The following NKAIN3 variants were observed in gnomAD, a reference collection of about 807,000 sequenced individuals.
NKAIN3 encodes the protein sodium/potassium transporting ATPase interacting 3.
In NKAIN3, 25 loss-of-function variants were observed where a neutral mutation model predicts 30.2. The ratio of observed to expected loss-of-function variants is 0.83; its 90% CI spans 0.60 to 1.16. NKAIN3 has a LOEUF of 1.16. Ranked by LOEUF, NKAIN3 falls within the 50% of genes most tolerant of loss-of-function variation. The probability of loss-of-function intolerance (pLI) is 0.00; values close to 1 mark genes in which losing one functional copy is unlikely to be tolerated. For synonymous variants in NKAIN3, 91 were observed against 89.6 expected, an observed-to-expected ratio of 1.02 and a Z score of -0.09; for missense variants, 225 against 254.1, an observed-to-expected ratio of 0.89 and a Z score of 0.78.
chr8:62,443,776 T>G (rs766162255), intron 1 of NKAIN3, among the ~76,000 whole-genome samples: 4 of 152,098 alleles, frequency 2.6e-5, no homozygotes, highest in Admixed American at 1.3e-4. Context: ...TTCTTTTTGA[T>G]TTTTTCTGCA....
intron 1 of NKAIN3, among the ~76,000 whole-genome samples, chr8:62,572,870 C>T (rs1244878673): frequency 1.3e-5 from 2 of 152,148 alleles, no homozygotes; most frequent in East Asian, 3.9e-4. Flanking sequence ...GGTATGGACA[C>T]AAAGTCAAAC....
At position 62,248,972 on chromosome 8, in the gene NKAIN3, G is replaced by C; in HGVS notation, c.-102G>C. ...CGAGCGGCGGCCGCGGGGCCGAGGA[G>C]CCTGGGCCGGGCCGGGCGGGGACTA... On this transcript the variant is annotated 5_prime_UTR_variant, in exon 1 of 7. Coordinates refer to ENST00000623646, the MANE Select transcript of NKAIN3 (RefSeq NM_001304533.3). 1 of 1,131,390 alleles carries C rather than the reference G, an allele frequency of 8.8e-7. No individual in the cohort carries two copies. Among genetic ancestry groups the C allele is most frequent in the Non-Finnish European group, 1.2e-6 (1 of 800,360 alleles). 70.1% of individuals were successfully genotyped at this position (1,131,390 alleles called of 1,614,324 possible).
At chr8:62,784,798 C>T (rs185661278) in intron 4 of NKAIN3, among the ~76,000 whole-genome samples, 16 of 152,118 alleles carry the variant, frequency 1.1e-4, no homozygotes, top group Admixed American at 7.9e-4. Context: ...CACAAAAAGA[C>T]GTCACAAAAA....
intron 4 of NKAIN3, among the ~76,000 whole-genome samples, chr8:62,841,202 C>A (rs1222017415): frequency 6.6e-6 from 1 of 152,032 alleles, no homozygotes; most frequent in African/African-American, 2.4e-5. Flanking sequence ...TTATAATAAT[C>A]ATAATTGTAT....
At position 62,345,364 on chromosome 8, in the gene NKAIN3, T is replaced by TACACAC. The variant is rs1554669208; in HGVS notation, c.54+96238_54+96239insCACACA. On this transcript the variant is annotated intron_variant, in intron 1 of 6. Transcript: ENST00000623646. ...ATATACACACATATACACATATATG[T>TACACAC]ATATATACACATATATGTATATATA... Among the ~76,000 whole-genome samples the TACACAC allele has an allele frequency of 6.2e-3, 53 of 8,604 alleles. 1 individual carries two copies. The highest frequency in any genetic ancestry group is 9.4e-3 in the Admixed American group (6 of 640). The allele number at this position is 8,604 out of a possible 152,430, so 5.6% of individuals were successfully genotyped here.
chr8:62,579,196 A>G (rs1418154508), intron 1 of NKAIN3, among the ~76,000 whole-genome samples: 3 of 152,028 alleles, frequency 2.0e-5, no homozygotes, highest in Admixed American at 2.0e-4. Context: ...CTCATAATTA[A>G]ACATAATTTT....
At chr8:62,335,387 C>T (rs533506398) in intron 1 of NKAIN3, among the ~76,000 whole-genome samples, 1 of 146,898 alleles carries the variant, frequency 6.8e-6, no homozygotes, top group South Asian at 2.2e-4. Context: ...GATCATTGTG[C>T]CACTGCACTC....
At chr8:62,518,489 C>T (rs1232425261) in intron 1 of NKAIN3, among the ~76,000 whole-genome samples, 1 of 152,084 alleles carries the variant, frequency 6.6e-6, no homozygotes. Flanking sequence ...AGTGCCTCCT[C>T]CTTGGGGTGT....
intron 1 of NKAIN3, among the ~76,000 whole-genome samples, chr8:62,386,121 G>GGGCCAAA (rs1267733462): frequency 2.0e-5 from 3 of 152,088 alleles, no homozygotes; most frequent in Non-Finnish European, 4.4e-5. Context: ...CATCTAATTT[G>GGGCCAAA]TTGCTATATA....
intron 4 of NKAIN3, chr8:62,857,221 G>A (rs1820089382): frequency 4.4e-6 from 1 of 227,050 alleles, no homozygotes. Flanking sequence ...TTATTCTCAT[G>A]GGCTTCCCTT....
chr8:62,577,729 C>CT (rs371923795), intron 1 of NKAIN3, among the ~76,000 whole-genome samples: 433 of 151,660 alleles, frequency 2.9e-3, no homozygotes, highest in African/African-American at 9.0e-3. Flanking sequence ...TGTGTTGCTT[C>CT]TTATCTTGCT....
intron 2 of NKAIN3, among the ~76,000 whole-genome samples, chr8:62,583,187 T>G (rs570805101): frequency 6.6e-6 from 1 of 152,258 alleles, no homozygotes; most frequent in African/African-American, 2.4e-5. Flanking sequence ...ATTTTTCCTA[T>G]CTAGTGTCCT....
intron 3 of NKAIN3, among the ~76,000 whole-genome samples, chr8:62,614,830 C>T (rs1476551192): frequency 2.0e-5 from 3 of 152,122 alleles, no homozygotes; most frequent in Non-Finnish European, 4.4e-5. Flanking sequence ...TCTAATGTTC[C>T]CTTAAAACCC....
intron 1 of NKAIN3, among the ~76,000 whole-genome samples, chr8:62,406,429 C>T (rs1804068472): frequency 6.6e-6 from 1 of 152,060 alleles, no homozygotes; most frequent in Admixed American, 6.5e-5. Context: ...AAATAAAATA[C>T]ATCACTGAAG....
chr8:62,971,632 CA>C lies in NKAIN3; in HGVS notation c.*6234del, dbSNP rs61046453. Reference sequence around the variant, plus strand: ...TGGGAGATGGAGCCAAACCTTGTCTCAAAAAAAAAGCGGGGGGGGCTTCATT... The same window carrying C: ...TGGGAGATGGAGCCAAACCTTGTCTCAAAAAAAAGCGGGGGGGGCTTCATT... On this transcript the variant is annotated 3_prime_UTR_variant, in exon 7 of 7. Coordinates refer to ENST00000623646, the MANE Select transcript of NKAIN3 (RefSeq NM_001304533.3). Among the ~76,000 whole-genome samples the C allele has an allele frequency of 0.11, 15,768 of 138,990 alleles. 848 individuals carry two copies. The highest frequency in any genetic ancestry group is 0.2 in the South Asian group (792 of 3,984). 91.2% of individuals were successfully genotyped at this position (138,990 alleles called of 152,430 possible). A position where few individuals can be genotyped will look rare whatever the true frequency, so the allele number is the denominator to read the frequency against.
chr8:62,276,569 A>C (rs916693265), intron 1 of NKAIN3, among the ~76,000 whole-genome samples: 1 of 152,228 alleles, frequency 6.6e-6, no homozygotes, highest in Non-Finnish European at 1.5e-5. Flanking sequence ...CACATGCTTC[A>C]TGTGGATTTT....
chr8:62,524,225 A>T (rs1251520671), intron 1 of NKAIN3, among the ~76,000 whole-genome samples: 1 of 148,310 alleles, frequency 6.7e-6, no homozygotes, highest in African/African-American at 2.5e-5. Context: ...CCCCCACCAA[A>T]ATATATATAT....
chr8:62,759,314 A>T (rs1404528520), intron 4 of NKAIN3, among the ~76,000 whole-genome samples: 1 of 152,182 alleles, frequency 6.6e-6, no homozygotes, highest in South Asian at 2.1e-4. Flanking sequence ...TTAATTTAGT[A>T]ATGGTAGAAA....
chr8:62,526,834 G>A (rs1808317609), intron 1 of NKAIN3, among the ~76,000 whole-genome samples: 1 of 152,082 alleles, frequency 6.6e-6, no homozygotes, highest in Non-Finnish European at 1.5e-5. Flanking sequence ...ATTTGGTTAA[G>A]GCTTAGCCCG....
Sources: gnomAD v4.1 joint callset for allele counts (sites outside exome capture counted in the v4.1 genomes callset) on GRCh38, gnomAD v4.1.1 for gene constraint, MANE v1.5 for transcripts, NCBI Gene and HGNC (gene_info 2026-07-23, HGNC 2026-07-21) for gene names.